AP5Z1: variants seen among roughly 807,000 people sequenced by gnomAD.
AP5Z1 encodes AP-5 complex subunit zeta-1.
A neutral mutation model predicts 83.0 loss-of-function variants in AP5Z1; 106 were observed. That is an observed-to-expected ratio of 1.28 (90% CI 1.09 to 1.50). The LOEUF (loss-of-function observed/expected upper bound fraction) is 1.50. Ranked by LOEUF, AP5Z1 falls within the 40% of genes most tolerant of loss-of-function variation. The pLI, the probability that AP5Z1 is intolerant of heterozygous loss-of-function variation, is 0.00. For synonymous variants in AP5Z1, 751 were observed against 514.1 expected, an observed-to-expected ratio of 1.46 and a Z score of -6.23; for missense variants, 1,565 against 1,094.2, an observed-to-expected ratio of 1.43 and a Z score of -6.07.
intron 11 of AP5Z1, 76 bp from the exon 12 acceptor site, chr7:4,788,078 G>C: frequency 6.9e-7 from 1 of 1,448,014 alleles, no homozygotes; most frequent in Non-Finnish European, 9.1e-7. Flanking sequence ...GACACCTGCC[G>C]TGTGTCTCCC....
At chr7:4,779,221 C>T (rs1456563834) in intron 1 of AP5Z1, among the ~76,000 whole-genome samples, 2 of 145,186 alleles carry the variant, frequency 1.4e-5, no homozygotes, top group Admixed American at 7.0e-5. Flanking sequence ...TTATGTATAA[C>T]ATATATTAGA....
chr7:4,778,234 C>T (rs1051300775), intron 1 of AP5Z1, among the ~76,000 whole-genome samples: 2 of 152,014 alleles, frequency 1.3e-5, no homozygotes, highest in Non-Finnish European at 2.9e-5. Flanking sequence ...CCAAAGAAAG[C>T]CAAAAAGATT....
intron 1 of AP5Z1, among the ~76,000 whole-genome samples, chr7:4,776,346 G>T (rs931624900): frequency 6.6e-6 from 1 of 151,914 alleles, no homozygotes; most frequent in Non-Finnish European, 1.5e-5. Flanking sequence ...CAGTCATGGG[G>T]GAAAACAGTG....
In AP5Z1 at chr7:4,783,173, G is replaced by C. The variant is rs1781430512; in HGVS notation, c.367-143G>C. The C allele has an allele frequency of 3.9e-6, 5 of 1,297,574 alleles. No individual in the cohort carries two copies. In the Admixed American group the frequency reaches 1.4e-4, roughly 35 times the overall value. The allele number at this position is 1,297,574 out of a possible 1,614,324, so 80.4% of individuals were successfully genotyped here. A position where few individuals can be genotyped will look rare whatever the true frequency, so the allele number is the denominator to read the frequency against. ...GCACCTTGTGGCCCGGGGTGGGCCT[G>C]CGCGGGACATCCTCCCTGCCACCTG... On this transcript the variant is annotated intron_variant, in intron 3 of 16. Transcript: ENST00000649063.
At chr7:4,789,051 T>G (rs1397430533) in intron 13 of AP5Z1, 100 bp downstream of exon 13, 54 of 1,019,190 alleles carry the variant, frequency 5.3e-5, no homozygotes, top group Non-Finnish European at 7.3e-5. Flanking sequence ...TGCAGAAGGC[T>G]GCTCCCGCCA....
intron 10 of AP5Z1, among the ~76,000 whole-genome samples, chr7:4,786,781 T>C (rs1215581759): frequency 6.6e-6 from 1 of 151,952 alleles, no homozygotes; most frequent in Admixed American, 6.5e-5. Flanking sequence ...CCTTTTTTTT[T>C]TCTTTTGAGA....
At chr7:4,787,275 G>C (rs1781576886) in intron 10 of AP5Z1, among the ~76,000 whole-genome samples, 1 of 151,934 alleles carries the variant, frequency 6.6e-6, no homozygotes, top group Non-Finnish European at 1.5e-5. Flanking sequence ...GGAGGATCTT[G>C]AGGCCAGGAG....
At chr7:4,788,676 G>A (rs1423944669) in intron 12 of AP5Z1, 164 bp from the exon 13 acceptor site, 17 of 621,584 alleles carry the variant, frequency 2.7e-5, no homozygotes, top group Middle Eastern at 5.1e-4. Context: ...GTGTGCTGAC[G>A]CCAGGGGTCT....
chr7:4,783,777 C>T lies in AP5Z1; in HGVS notation c.600C>T (p.Phe200=). 2 of 1,549,856 alleles carry T rather than the reference C, an allele frequency of 1.3e-6. No individual in the cohort carries two copies. The highest frequency in any genetic ancestry group is 1.2e-5 in the South Asian group (1 of 84,086). Residue 200 remains phenylalanine (F), a synonymous_variant, in exon 5 of 17, where the codon TTC becomes TTT. Transcript: ENST00000649063. ...GGCTCCCACACTCCGGCGGCTTCTT[C>T]TCCACGCCCAGGGCCCGGCAGGTGA... ...QQGLPHSGGF[F]STPRARQPGP... is the part of the protein sequence containing the mutation.
rs1363817604 is a variant in AP5Z1, at chr7:4,792,348, C to T, written c.*963C>T. 1 of 151,686 alleles carries T rather than the reference C, an allele frequency of 6.6e-6. No individual in the cohort carries two copies. The highest frequency in any genetic ancestry group is 1.5e-5 in the Non-Finnish European group (1 of 67,896). The allele number at this position is 151,686 out of a possible 1,614,324, so 9.4% of individuals were successfully genotyped here. A position where few individuals can be genotyped will look rare whatever the true frequency, so the allele number is the denominator to read the frequency against. ...GCTCCGCCCCCGGTCTCCTCTTTTG[C>T]TCTGGCCCCGCCCACCTCCCCTCCG... On this transcript the variant is annotated 3_prime_UTR_variant, in exon 17 of 17. Coordinates refer to ENST00000649063, the MANE Select transcript of AP5Z1 (RefSeq NM_014855.3).
chr7:4,786,435 T>C lies in AP5Z1; in HGVS notation c.1311+7T>C, dbSNP rs764497844. 2.5e-6 allele frequency: 4 copies of C among 1,613,160 alleles called. No individual in the cohort carries two copies. Among genetic ancestry groups the C allele is most frequent in the Non-Finnish European group, 3.4e-6 (4 of 1,179,764 alleles). On this transcript the variant is annotated splice_region_variant and intron_variant, in intron 10 of 16. Coordinates refer to ENST00000649063, the MANE Select transcript of AP5Z1 (RefSeq NM_014855.3). ...CTTCCCCAACCTCTTTAAGGTATAT[T>C]TGGGCATCCCTGGGTGCCAGGGCAG... is the stretch of plus-strand genomic sequence containing the variant.
At chr7:4,784,463 C>T (rs961450965) in intron 6 of AP5Z1, 92 bp downstream of exon 6, 36 of 1,421,670 alleles carry the variant, frequency 2.5e-5, no homozygotes, top group Non-Finnish European at 3.3e-5. Flanking sequence ...GGTGGGGGGA[C>T]TCGGGTGTGC....
At chr7:4,790,053 C>G (rs1781705144) in intron 14 of AP5Z1, 124 bp downstream of exon 14, 1 of 1,184,758 alleles carries the variant, frequency 8.4e-7, no homozygotes, top group South Asian at 1.6e-5. Flanking sequence ...TCAGCAGCCT[C>G]AGACCCTGCC....
rs554060393 is a variant in AP5Z1, at chr7:4,784,955, A to C, written c.838A>C (p.Thr280Pro). The change falls in exon 7 of 17, where the codon ACC becomes CCC. Residue 280 changes from threonine to proline, a missense_variant. Coordinates refer to ENST00000649063, the MANE Select transcript of AP5Z1 (RefSeq NM_014855.3). ...CTCCACTCTGTCGGTGATCTCCGCCACCTCCTCTGCCGGCCGCCTGCTGCC... is the reference window on the plus strand; with the variant it reads ...CTCCACTCTGTCGGTGATCTCCGCCCCCTCCTCTGCCGGCCGCCTGCTGCC... ...EGSTLSVISA[T>P]SSAGRLLPPR... The C allele has an allele frequency of 1.3e-4, 212 of 1,611,768 alleles. No homozygotes were observed. Among genetic ancestry groups the C allele is most frequent in the Admixed American group, 3.3e-4 (20 of 59,928 alleles).
In AP5Z1 at chr7:4,775,691, G is replaced by T. The variant is rs1223063955; in HGVS notation, c.-25G>T. On this transcript the variant is annotated 5_prime_UTR_variant, in exon 1 of 17. Coordinates refer to ENST00000649063, the MANE Select transcript of AP5Z1 (RefSeq NM_014855.3). ...GCAGCTCCTGGAGTTTCCGAGGTTC[G>T]TGCGCGTCTGGTGGCGGCGGCGTGA... 1.9e-6 allele frequency: 3 copies of T among 1,606,600 alleles called. No homozygotes were observed. The highest frequency in any genetic ancestry group is 1.7e-5 in the Admixed American group (1 of 59,988).
chr7:4,790,037 G>A (rs1274710413), intron 14 of AP5Z1, 108 bp downstream of exon 14: 4 of 1,058,326 alleles, frequency 3.8e-6, no homozygotes, highest in Non-Finnish European at 5.1e-6. Context: ...ACCCCTAGCT[G>A]GGCCCTCAGC....
chr7:4,789,723 G>C, intron 13 of AP5Z1, 109 bp from the exon 14 acceptor site: 1 of 732,272 alleles, frequency 1.4e-6, no homozygotes, highest in Non-Finnish European at 2.2e-6. Context: ...AGTGGACGAG[G>C]AGTCTCCAGC....
At position 4,786,165 on chromosome 7, in the gene AP5Z1, C is replaced by T. The variant is rs1249044986; in HGVS notation, c.1133-85C>T. Reference sequence around the variant, plus strand: ...GCCCTTGGTGTCCTGGAGAGCAGGCCTGAGACTCAGGGCCCCTAACCAGTC... The same window carrying T: ...GCCCTTGGTGTCCTGGAGAGCAGGCTTGAGACTCAGGGCCCCTAACCAGTC... On this transcript the variant is annotated intron_variant, in intron 9 of 16. Coordinates refer to ENST00000649063, the MANE Select transcript of AP5Z1 (RefSeq NM_014855.3). 6.4e-6 allele frequency: 9 copies of T among 1,398,420 alleles called. No homozygotes were observed. In the Middle Eastern group the frequency reaches 1.3e-3, roughly 198 times the overall value. The allele number at this position is 1,398,420 out of a possible 1,614,324, so 86.6% of individuals were successfully genotyped here.
At chr7:4,779,734 G>A (rs1023479301) in intron 1 of AP5Z1, among the ~76,000 whole-genome samples, 5 of 151,654 alleles carry the variant, frequency 3.3e-5, no homozygotes, top group Admixed American at 6.6e-5. Flanking sequence ...TCCTCCTCCC[G>A]GGTTCAAGTG....
Sources: allele counts gnomAD v4.1 joint callset (sites outside exome capture counted in the v4.1 genomes callset), GRCh38; gene constraint gnomAD v4.1.1; transcripts MANE v1.5; gene names NCBI Gene and HGNC (gene_info 2026-07-23, HGNC 2026-07-21).